Variants in CDYL observed in about 807,000 individuals in gnomAD.
The protein encoded by CDYL is chromodomain Y like.
A neutral mutation model predicts 47.3 loss-of-function variants in CDYL; 8 were observed. The ratio of observed to expected loss-of-function variants is 0.17; its 90% CI spans 0.10 to 0.31. The LOEUF (loss-of-function observed/expected upper bound fraction) is 0.31, where lower values mean the gene tolerates loss of function less well. CDYL is among the 10% of genes least tolerant of loss of function. CDYL has a pLI of 1.00. For missense variants in CDYL, 471 were observed against 701.4 expected, an observed-to-expected ratio of 0.67 and a Z score of 3.71; for synonymous variants, 266 against 265.0, an observed-to-expected ratio of 1.00 and a Z score of -0.04.
chr6:4,713,803 G>A (rs919170042), intron 1 of CDYL, among the ~76,000 whole-genome samples: 1 of 152,100 alleles, frequency 6.6e-6, no homozygotes. Flanking sequence ...GGCCAGGCCG[G>A]TCTCAAACTC....
chr6:4,719,139 G>A (rs909249883), intron 2 of CDYL, among the ~76,000 whole-genome samples: 1 of 151,922 alleles, frequency 6.6e-6, no homozygotes, highest in Non-Finnish European at 1.5e-5. Flanking sequence ...TGGCCAGGCT[G>A]GTCTCGAACT....
intron 4 of CDYL, among the ~76,000 whole-genome samples, chr6:4,938,235 T>G (rs80300680): frequency 3.6e-5 from 3 of 83,588 alleles, no homozygotes; most frequent in Non-Finnish European, 8.5e-5. Context: ...TTTTTGTTGT[T>G]TTTTTTTTTT....
chr6:4,797,320 A>T (rs1759099006), intron 1 of CDYL, among the ~76,000 whole-genome samples: 1 of 152,096 alleles, frequency 6.6e-6, no homozygotes, highest in African/African-American at 2.4e-5. Context: ...CAGGTTACTT[A>T]AATTTCCCGA....
intron 1 of CDYL, among the ~76,000 whole-genome samples, chr6:4,801,355 C>T (rs778342261): frequency 2.6e-5 from 4 of 152,138 alleles, no homozygotes; most frequent in Non-Finnish European, 4.4e-5. Flanking sequence ...TCCAACATTT[C>T]GGCTCACTTG....
intron 2 of CDYL, among the ~76,000 whole-genome samples, chr6:4,726,390 C>G (rs183864253): frequency 2.0e-5 from 3 of 152,006 alleles, no homozygotes; most frequent in Non-Finnish European, 2.9e-5. Flanking sequence ...CAAAAATTAG[C>G]CAGGCGTGGT....
chr6:4,868,617 A>G (rs1177361501), intron 1 of CDYL, among the ~76,000 whole-genome samples: 2 of 152,160 alleles, frequency 1.3e-5, no homozygotes, highest in Non-Finnish European at 2.9e-5. Context: ...TGGAAGGACC[A>G]TTGTTGGATG....
intron 1 of CDYL, among the ~76,000 whole-genome samples, chr6:4,779,048 A>T (rs574105551): frequency 1.1e-4 from 17 of 152,336 alleles, no homozygotes; most frequent in Admixed American, 4.6e-4. Flanking sequence ...GTAAGTGATG[A>T]TGATTGTATG....
At chr6:4,799,816 A>G (rs1388747571) in intron 1 of CDYL, among the ~76,000 whole-genome samples, 1 of 152,096 alleles carries the variant, frequency 6.6e-6, no homozygotes, top group African/African-American at 2.4e-5. Context: ...GAATTTCCAA[A>G]TACGATTGTG....
intron 1 of CDYL, among the ~76,000 whole-genome samples, chr6:4,847,570 A>G (rs1010573194): frequency 1.3e-5 from 2 of 152,082 alleles, no homozygotes; most frequent in African/African-American, 4.8e-5. Context: ...CAGTCTTTCC[A>G]TTGTTTCTCT....
chr6:4,780,467 C>T (rs570318341), intron 1 of CDYL, among the ~76,000 whole-genome samples: 6 of 130,842 alleles, frequency 4.6e-5, no homozygotes, highest in Non-Finnish European at 7.8e-5. Context: ...CAGGGTTTCA[C>T]CTTGTGGGCC....
upstream of CDYL, among the ~76,000 whole-genome samples, chr6:4,773,787 GC>G (rs1469152566): frequency 1.3e-5 from 2 of 152,150 alleles, no homozygotes; most frequent in Admixed American, 1.3e-4. The surrounding 1 kb of genome is among the most constrained non-coding windows in gnomAD (Gnocchi z 4.6). Flanking sequence ...TGTTTTAGAG[GC>G]TACTGGTGGT....
intron 2 of CDYL, among the ~76,000 whole-genome samples, chr6:4,907,124 A>G (rs1302403409): frequency 6.6e-6 from 1 of 152,226 alleles, no homozygotes; most frequent in Non-Finnish European, 1.5e-5. Flanking sequence ...ACTGTGTAAC[A>G]TTAGAAACTG....
chr6:4,899,052 T>C (rs550705208), intron 2 of CDYL, among the ~76,000 whole-genome samples: 2 of 152,336 alleles, frequency 1.3e-5, no homozygotes, highest in Non-Finnish European at 2.9e-5. Context: ...AGCCCTAGCC[T>C]TTTTGATTTT....
intron 1 of CDYL, among the ~76,000 whole-genome samples, chr6:4,851,850 C>T (rs1760838327): frequency 6.6e-6 from 1 of 152,164 alleles, no homozygotes; most frequent in African/African-American, 2.4e-5. Flanking sequence ...CTGAGGAGTG[C>T]TGAATCTACC....
exon 2 of CDYL, chr6:4,715,832 C>T (rs1422975855): frequency 1.2e-6 from 2 of 1,614,100 alleles, no homozygotes; most frequent in Admixed American, 3.3e-5. Flanking sequence ...GGAAGAAAAA[C>T]TGGCAATACG....
intron 1 of CDYL, among the ~76,000 whole-genome samples, chr6:4,855,980 C>A (rs1408167075): frequency 6.6e-6 from 1 of 152,090 alleles, no homozygotes; most frequent in East Asian, 1.9e-4. Context: ...AAATGCATAC[C>A]CCAGGCAGTT....
chr6:4,772,409 GA>G (rs1035515501), upstream of CDYL, among the ~76,000 whole-genome samples: 10 of 152,104 alleles, frequency 6.6e-5, no homozygotes, highest in African/African-American at 2.4e-4. Flanking sequence ...AACAGTGACT[GA>G]AAAAAGGAAT....
chr6:4,717,726 A>T (rs1311496794), intron 2 of CDYL, among the ~76,000 whole-genome samples: 1 of 137,586 alleles, frequency 7.3e-6, no homozygotes, highest in East Asian at 2.3e-4. Context: ...AAAAAAAAAA[A>T]AAAAAAAAAA....
At chr6:4,716,775 G>A (rs1757273170) in intron 2 of CDYL, among the ~76,000 whole-genome samples, 2 of 152,000 alleles carry the variant, frequency 1.3e-5, no homozygotes, top group African/African-American at 2.4e-5. Context: ...TACCGTATAC[G>A]GTGTTGGGTG....
Sources: allele counts gnomAD v4.1 joint callset (sites outside exome capture counted in the v4.1 genomes callset), GRCh38; gene constraint gnomAD v4.1.1; non-coding constraint Gnocchi (gnomAD v3.1); transcripts MANE v1.5; gene names NCBI Gene and HGNC (gene_info 2026-07-23, HGNC 2026-07-21).